BACE2: variants seen among roughly 807,000 people sequenced by gnomAD.
BACE2 encodes the protein beta-secretase 2, also known as 56 kDa aspartic-like protease.
A neutral mutation model predicts 46.2 loss-of-function variants in BACE2; 17 were observed. That is an observed-to-expected ratio of 0.37 (90% CI 0.25 to 0.55). BACE2 has a LOEUF of 0.55. BACE2 is among the 20% of genes least tolerant of loss of function. The pLI is 0.82. For missense variants in BACE2, 595 were observed against 698.1 expected (o/e 0.85, Z 1.66); for synonymous variants, 277 against 295.9 (o/e 0.94, Z 0.66).
chr21:41,226,141 C>CTTTTTTT, intron 1 of BACE2, 125 bp from the exon 2 acceptor site: 1 of 702,304 alleles, frequency 1.4e-6, no homozygotes, highest in Non-Finnish European at 2.4e-6. Context: ...CGTCAGTATA[C>CTTTTTTT]TTTTTTTTTG....
intron 1 of BACE2, among the ~76,000 whole-genome samples, chr21:41,185,518 A>G (rs899155286): frequency 5.3e-5 from 8 of 152,204 alleles, no homozygotes; most frequent in African/African-American, 1.9e-4. Context: ...GAGTTATAAG[A>G]CAGTACACAG....
intron 1 of BACE2, among the ~76,000 whole-genome samples, chr21:41,222,241 C>T (rs920517870): frequency 4.6e-5 from 7 of 152,242 alleles, no homozygotes; most frequent in South Asian, 2.1e-4. Flanking sequence ...CCACTGCAGG[C>T]GGTGTTCAGT....
chr21:41,260,500 T>C (rs75960485), intron 8 of BACE2, among the ~76,000 whole-genome samples: 2,383 of 152,310 alleles, frequency 0.016, 74 homozygotes, highest in African/African-American at 0.054. Flanking sequence ...CGGGTGTCTC[T>C]GGCCCACCAT....
intron 2 of BACE2, among the ~76,000 whole-genome samples, chr21:41,232,230 C>T (rs1355739913): frequency 1.3e-5 from 2 of 152,216 alleles, no homozygotes; most frequent in Non-Finnish European, 2.9e-5. Context: ...TGTTGGACAG[C>T]GCTGGTGCAG....
rs186893858 is a variant in BACE2, at chr21:41,277,030, G to C, written c.*1406G>C. Reference sequence around the variant, plus strand: ...GATGTCATTAGGAGAAGAGTTAAAAGACAGTATCCCCTCTCTCCTGCTTGT... The same window carrying C: ...GATGTCATTAGGAGAAGAGTTAAAACACAGTATCCCCTCTCTCCTGCTTGT... On this transcript the variant is annotated 3_prime_UTR_variant, in exon 9 of 9. Coordinates refer to ENST00000330333, the MANE Select transcript of BACE2 (RefSeq NM_012105.5). 6.6e-6 allele frequency: 1 copy of C among 152,064 alleles called. No homozygotes were observed. The highest frequency in any genetic ancestry group is 2.4e-5 in the African/African-American group (1 of 41,476). The allele number at this position is 152,064 out of a possible 1,614,324, so 9.4% of individuals were successfully genotyped here. A position where few individuals can be genotyped will look rare whatever the true frequency, so the allele number is the denominator to read the frequency against.
intron 4 of BACE2, among the ~76,000 whole-genome samples, chr21:41,242,690 C>T (rs923721614): frequency 6.6e-6 from 1 of 151,950 alleles, no homozygotes; most frequent in Non-Finnish European, 1.5e-5. Context: ...ATCTTCTGTT[C>T]TCTGACCTCC....
intron 6 of BACE2, among the ~76,000 whole-genome samples, chr21:41,249,939 G>A (rs1987592766): frequency 6.6e-6 from 1 of 152,224 alleles, no homozygotes; most frequent in Admixed American, 6.5e-5. Flanking sequence ...TGGATGTCCT[G>A]TGTTGCCGGC....
In BACE2 at chr21:41,275,678, T is replaced by G. The variant is rs1459745184; in HGVS notation, c.*54T>G. The G allele has an allele frequency of 2.4e-5, 39 of 1,592,814 alleles. No homozygotes were observed. Among genetic ancestry groups the G allele is most frequent in the Non-Finnish European group, 3.0e-5 (35 of 1,167,894 alleles). The stretch of plus-strand genomic sequence containing the variant: ...GAACTCAGCTATTAAGAAAATCACA[T>G]TTCCAGGGCAGCAGCCGGGATCGAT... On this transcript the variant is annotated 3_prime_UTR_variant, in exon 9 of 9. Coordinates refer to ENST00000330333, the MANE Select transcript of BACE2 (RefSeq NM_012105.5).
At chr21:41,241,747 C>T (rs1987295667) in intron 3 of BACE2, 72 bp from the exon 4 acceptor site, 5 of 1,560,734 alleles carry the variant, frequency 3.2e-6, no homozygotes, top group Non-Finnish European at 4.4e-6. Flanking sequence ...TGGCGCGTGG[C>T]GTCTACACTG....
intron 1 of BACE2, among the ~76,000 whole-genome samples, chr21:41,206,626 G>T (rs141065757): frequency 6.6e-6 from 1 of 152,276 alleles, no homozygotes; most frequent in Middle Eastern, 3.4e-3. Flanking sequence ...GGTGGTGTCC[G>T]CAGGAATGGA....
chr21:41,203,239 G>A (rs1214652371), intron 1 of BACE2, among the ~76,000 whole-genome samples: 1 of 152,160 alleles, frequency 6.6e-6, no homozygotes, highest in African/African-American at 2.4e-5. Context: ...AGGAATATCA[G>A]CGGTAGGGAA....
Position 41,266,359 on chromosome 21 carries a change from G to A in BACE2, c.1304-9012G>A, listed in dbSNP as rs770304940. On this transcript the variant is annotated intron_variant, in intron 8 of 8. Transcript: ENST00000330333. The stretch of plus-strand genomic sequence containing the variant: ...CTCTCTCATAGTAGACTTTTTTCTC[G>A]TTTGCTTTGCAATTTTTTGTTGTGA... 4.8e-4 allele frequency among the ~76,000 whole-genome samples: 73 copies of A among 152,030 alleles called. 1 individual carries two copies. The highest frequency in any genetic ancestry group is 6.2e-4 in the Non-Finnish European group (42 of 68,008).
intron 1 of BACE2, chr21:41,177,746 G>C (rs780757243): frequency 1.3e-5 from 2 of 152,226 alleles, no homozygotes; most frequent in Non-Finnish European, 2.9e-5. Flanking sequence ...AAGGAGGGAA[G>C]ACAGACAAAA....
At chr21:41,204,249 C>T (rs1332543921) in intron 1 of BACE2, among the ~76,000 whole-genome samples, 1 of 152,154 alleles carries the variant, frequency 6.6e-6, no homozygotes, top group Non-Finnish European at 1.5e-5. Flanking sequence ...ACATGTTGGC[C>T]AGGCTAGCCT....
chr21:41,184,084 G>A (rs1289779519), intron 1 of BACE2: 6 of 166,978 alleles, frequency 3.6e-5, no homozygotes, highest in South Asian at 2.1e-4. Flanking sequence ...ATGTTTAAGC[G>A]TCGTTTCATA....
At chr21:41,169,057 A>C (rs1984498042) in intron 1 of BACE2, among the ~76,000 whole-genome samples, 1 of 138,100 alleles carries the variant, frequency 7.2e-6, no homozygotes, top group Non-Finnish European at 1.5e-5. Flanking sequence ...CGGCTTCCAA[A>C]GGCGCAGTAC....
At chr21:41,274,505 A>C (rs181182420) in intron 8 of BACE2, among the ~76,000 whole-genome samples, 1 of 152,284 alleles carries the variant, frequency 6.6e-6, no homozygotes, top group Admixed American at 6.5e-5. Context: ...AATGAGGCCT[A>C]TTTCTTTTCC....
Position 41,281,144 on chromosome 21 carries a change from G to A in BACE2, c.*5520G>A, listed in dbSNP as rs144547439. 5.3e-5 allele frequency: 8 copies of A among 152,374 alleles called. No individual in the cohort carries two copies. The highest frequency in any genetic ancestry group is 5.2e-4 in the Admixed American group (8 of 15,308). 9.4% of individuals were successfully genotyped at this position (152,374 alleles called of 1,614,324 possible). A position where few individuals can be genotyped will look rare whatever the true frequency, so the allele number is the denominator to read the frequency against. On this transcript the variant is annotated 3_prime_UTR_variant, in exon 9 of 9. Transcript: ENST00000330333. ...GGGAATCAGGGCAGCCCTGAGAAGT[G>A]AGCAGTTCCCTTTACAGATGGATAA...
Position 41,282,137 on chromosome 21 carries a change from A to C in BACE2, c.*6513A>C, listed in dbSNP as rs1035734589. 2.0e-5 allele frequency: 3 copies of C among 152,232 alleles called. No individual in the cohort carries two copies. Among genetic ancestry groups the C allele is most frequent in the Admixed American group, 1.3e-4 (2 of 15,280 alleles). The allele number at this position is 152,232 out of a possible 1,614,324, so 9.4% of individuals were successfully genotyped here. Reference sequence around the variant, plus strand: ...GGAGAGCTGCAAACTGTGTATCCTCAAACAGATGCAAAAAGTAGTGCTTTG... The same window carrying C: ...GGAGAGCTGCAAACTGTGTATCCTCCAACAGATGCAAAAAGTAGTGCTTTG... On this transcript the variant is annotated 3_prime_UTR_variant, in exon 9 of 9. Coordinates refer to ENST00000330333, the MANE Select transcript of BACE2 (RefSeq NM_012105.5).
Sources: allele counts gnomAD v4.1 joint callset (sites outside exome capture counted in the v4.1 genomes callset), GRCh38; gene constraint gnomAD v4.1.1; transcripts MANE v1.5; gene names NCBI Gene and HGNC (gene_info 2026-07-23, HGNC 2026-07-21).